CEP63: variants seen among roughly 807,000 people sequenced by gnomAD.
CEP63 encodes the protein centrosomal protein of 63 kDa.
In CEP63, 84 loss-of-function variants were observed where a neutral mutation model predicts 89.1. The observed-to-expected ratio is 0.94, with a 90% CI of 0.79 to 1.13. The LOEUF (loss-of-function observed/expected upper bound fraction) is 1.13. Ranked by LOEUF, CEP63 falls within the 50% of genes most tolerant of loss-of-function variation. The probability of loss-of-function intolerance (pLI) is 0.00; values close to 1 mark genes in which losing one functional copy is unlikely to be tolerated. For synonymous variants in CEP63, 267 were observed against 272.5 expected (o/e 0.98, Z 0.20); for missense variants, 838 against 813.3 (o/e 1.03, Z -0.37).
chr3:134,545,543 A>G (rs956483734), intron 6 of CEP63, 43 bp from the exon 7 acceptor site: 3 of 1,357,972 alleles, frequency 2.2e-6, no homozygotes, highest in Non-Finnish European at 3.2e-6. Flanking sequence ...TGATTATTTT[A>G]TCATTTCCCT....
At chr3:134,601,857 A>G in the CEP63 span, among the ~76,000 whole-genome samples, 1 of 152,198 alleles carries the variant, frequency 6.6e-6, no homozygotes, top group African/African-American at 2.4e-5. Flanking sequence ...AAGTGTCTGG[A>G]GCCTGGATCT....
In CEP63 at chr3:134,550,219, G is replaced by A; in HGVS notation, c.1339G>A (p.Ala447Thr). The A allele has an allele frequency of 1.2e-6, 2 of 1,614,154 alleles. No individual in the cohort carries two copies. Among genetic ancestry groups the A allele is most frequent in the Non-Finnish European group, 1.7e-6 (2 of 1,180,014 alleles). ...SSSDMEKRLR[A>T]EMQKAEDKAV... is the part of the protein sequence containing the mutation. The stretch of plus-strand genomic sequence containing the variant: ...CTCAGACATGGAAAAGCGACTCAGA[G>A]CAGAGATGCAAAAGGCAGAAGACAA... The change falls in exon 11 of 15, where the codon GCA becomes ACA. Residue 447 changes from alanine (A) to threonine (T), a missense_variant. By Grantham distance (58) the Ala-to-Thr change is moderately conservative. Coordinates refer to ENST00000675561, the MANE Select transcript of CEP63 (RefSeq NM_001353108.3).
intron 1 of CEP63, among the ~76,000 whole-genome samples, chr3:134,493,942 G>T (rs1232767676): frequency 2.6e-5 from 4 of 152,054 alleles, no homozygotes; most frequent in African/African-American, 9.7e-5. Context: ...AAAGCATTTT[G>T]GAATGAAAAG....
chr3:134,696,681 CGT>C, the CEP63 span, among the ~76,000 whole-genome samples: 1 of 151,816 alleles, frequency 6.6e-6, no homozygotes, highest in Admixed American at 6.6e-5. Context: ...TCCATGCCCA[CGT>C]GTGTGTGTGT....
the CEP63 span, among the ~76,000 whole-genome samples, chr3:134,621,712 A>G: frequency 1.8e-4 from 28 of 152,240 alleles, no homozygotes; most frequent in Admixed American, 1.8e-3. Flanking sequence ...AAAAACAGAT[A>G]AAAGGGCATT....
downstream of CEP63, among the ~76,000 whole-genome samples, chr3:134,592,206 G>A (rs757764035): frequency 8.5e-5 from 13 of 152,220 alleles, no homozygotes; most frequent in Non-Finnish European, 2.9e-5. Flanking sequence ...TCCAGAGGCT[G>A]CTCGAGCATC....
chr3:134,651,042 C>T, the CEP63 span: 8 of 1,587,460 alleles, frequency 5.0e-6, no homozygotes, highest in South Asian at 9.1e-5. Flanking sequence ...CGCGCAGCTG[C>T]CCCACACGGG....
At chr3:134,748,838 C>T in the CEP63 span, among the ~76,000 whole-genome samples, 2 of 152,104 alleles carry the variant, frequency 1.3e-5, no homozygotes, top group African/African-American at 2.4e-5. Context: ...CTAAGTAGGA[C>T]ACGGATGCAG....
chr3:134,608,747 TGAG>T, the CEP63 span: 1 of 1,614,052 alleles, frequency 6.2e-7, no homozygotes, highest in Non-Finnish European at 8.5e-7. Flanking sequence ...CCTCAGAGAT[TGAG>T]GAGGTTTTAG....
At chr3:134,629,613 A>G in the CEP63 span, 1 of 1,591,986 alleles carries the variant, frequency 6.3e-7, no homozygotes, top group Non-Finnish European at 8.6e-7. Context: ...TACCTGTGTC[A>G]TACATACGTT....
chr3:134,600,187 G>A, the CEP63 span, among the ~76,000 whole-genome samples: 1 of 152,206 alleles, frequency 6.6e-6, no homozygotes, highest in Non-Finnish European at 1.5e-5. Flanking sequence ...GTTTGCTGCA[G>A]GCAGACCAGG....
chr3:134,533,525 C>T (rs954394400), intron 5 of CEP63, among the ~76,000 whole-genome samples: 2 of 152,150 alleles, frequency 1.3e-5, no homozygotes, highest in Non-Finnish European at 2.9e-5. Flanking sequence ...CTGAATAACT[C>T]CATGATTATT....
chr3:134,727,142 A>G, the CEP63 span, among the ~76,000 whole-genome samples: 1 of 152,134 alleles, frequency 6.6e-6, no homozygotes, highest in Admixed American at 6.5e-5. Context: ...TATTGCCACC[A>G]TCTTGGAGTT....
chr3:134,747,861 C>T, the CEP63 span, among the ~76,000 whole-genome samples: 1 of 152,244 alleles, frequency 6.6e-6, no homozygotes, highest in Non-Finnish European at 1.5e-5. Context: ...TCTCGGCTCA[C>T]TGCTACCTCT....
the CEP63 span, among the ~76,000 whole-genome samples, chr3:134,743,595 C>T: frequency 2.5e-4 from 38 of 152,098 alleles, no homozygotes; most frequent in Non-Finnish European, 4.7e-4. Context: ...AGGGGGTGAA[C>T]CTGAGCCTTG....
chr3:134,524,926 C>T (rs1395929914), intron 3 of CEP63, among the ~76,000 whole-genome samples: 1 of 152,154 alleles, frequency 6.6e-6, no homozygotes, highest in Non-Finnish European at 1.5e-5. Context: ...CCCTCTTCCT[C>T]AATTTTTTGG....
At chr3:134,683,375 G>C in the CEP63 span, among the ~76,000 whole-genome samples, 5 of 152,104 alleles carry the variant, frequency 3.3e-5, no homozygotes, top group African/African-American at 4.8e-5. Context: ...TAGGAGATTG[G>C]GTCCAACATC....
chr3:134,660,808 C>T, the CEP63 span, among the ~76,000 whole-genome samples: 2 of 152,144 alleles, frequency 1.3e-5, no homozygotes, highest in African/African-American at 4.8e-5. Flanking sequence ...AGTGTGAGGA[C>T]AGTCAGGTCT....
At chr3:134,524,827 T>C (rs1185792351) in intron 3 of CEP63, among the ~76,000 whole-genome samples, 1 of 152,232 alleles carries the variant, frequency 6.6e-6, no homozygotes, top group Non-Finnish European at 1.5e-5. Context: ...ATCAATGATA[T>C]TGGCCTGAAG....
Sources: allele counts gnomAD v4.1 joint callset (sites outside exome capture counted in the v4.1 genomes callset), GRCh38; gene constraint gnomAD v4.1.1; transcripts MANE v1.5; gene names NCBI Gene and HGNC (gene_info 2026-07-23, HGNC 2026-07-21).